CSK: variants seen among roughly 807,000 people sequenced by gnomAD.
The protein encoded by CSK is tyrosine-protein kinase CSK.
In CSK, 7 loss-of-function variants were observed where a neutral mutation model predicts 62.3. The ratio of observed to expected loss-of-function variants is 0.11; its 90% CI spans 0.06 to 0.21. CSK has a LOEUF of 0.21. CSK is among the 10% of genes least tolerant of loss of function. The pLI, the probability that CSK is intolerant of heterozygous loss-of-function variation, is 1.00. For missense variants in CSK, 294 were observed against 613.5 expected (o/e 0.48, Z 5.50); for synonymous variants, 237 against 246.0 (o/e 0.96, Z 0.34).
At chr15:74,796,593 CA>C (rs553348497) in intron 1 of CSK, among the ~76,000 whole-genome samples, 490 of 98,228 alleles carry the variant, frequency 5.0e-3, no homozygotes, top group Middle Eastern at 0.02. Flanking sequence ...GACCCTTTCT[CA>C]AAAAAAAAAA....
Position 74,801,671 on chromosome 15 carries a change from G to A in CSK, c.888-24G>A, listed in dbSNP as rs762549165. The A allele has an allele frequency of 8.7e-6, 14 of 1,609,264 alleles. No homozygotes were observed. The Admixed American group carries it at 1.8e-4, about 21-fold the overall frequency. On this transcript the variant is annotated intron_variant, in intron 10 of 12. Transcript: ENST00000220003. ...TGCTATGGGAGCCCCAGTCTGAGGGGACATGTGGCTGGCCTACCCCCAGAG... is the reference window on the plus strand; with the variant it reads ...TGCTATGGGAGCCCCAGTCTGAGGGAACATGTGGCTGGCCTACCCCCAGAG...
intron 1 of CSK, among the ~76,000 whole-genome samples, chr15:74,793,462 G>A (rs903227488): frequency 6.6e-6 from 1 of 152,192 alleles, no homozygotes; most frequent in Non-Finnish European, 1.5e-5. Flanking sequence ...GGCCTGTCCG[G>A]CAGGGAGGCA....
Position 74,798,499 on chromosome 15 carries a change from G to A in CSK, c.16-116G>A. ...GGACCCAGGGCTCGTTCTCCGGGCAGAGCACCTCACCCAGGCTCACAGAGG... is the reference window on the plus strand; with the variant it reads ...GGACCCAGGGCTCGTTCTCCGGGCAAAGCACCTCACCCAGGCTCACAGAGG... On this transcript the variant is annotated intron_variant, in intron 2 of 12. Transcript: ENST00000220003. This position sits in a 1 kb window ranked among gnomAD's most constrained non-coding sequence, Gnocchi z 6.6. 8.1e-7 allele frequency: 1 copy of A among 1,232,778 alleles called. No individual in the cohort carries two copies. Among genetic ancestry groups the A allele is most frequent in the Non-Finnish European group, 1.2e-6 (1 of 855,982 alleles). 76.4% of individuals were successfully genotyped at this position (1,232,778 alleles called of 1,614,324 possible).
chr15:74,798,970 AG>A lies in CSK; in HGVS notation c.242+36del. On this transcript the variant is annotated intron_variant, in intron 4 of 12. Coordinates refer to ENST00000220003, the MANE Select transcript of CSK (RefSeq NM_004383.3). The surrounding 1 kb of genome is among the most constrained non-coding windows in gnomAD (Gnocchi z 6.6). ...ACCACGAGGAGGGGTTGGGGAGGGA[AG>A]GGGCCTTGGTCCTCCTGAAGGAGCA... 6.8e-7 allele frequency: 1 copy of A among 1,477,634 alleles called. No homozygotes were observed. Among genetic ancestry groups the A allele is most frequent in the Non-Finnish European group, 8.9e-7 (1 of 1,122,792 alleles). 91.5% of individuals were successfully genotyped at this position (1,477,634 alleles called of 1,614,324 possible).
chr15:74,784,809 C>G (rs902208837), intron 1 of CSK, among the ~76,000 whole-genome samples: 1 of 152,204 alleles, frequency 6.6e-6, no homozygotes, highest in Non-Finnish European at 1.5e-5. Context: ...TGGGCTCCAT[C>G]TTTTGAAGGA....
intron 1 of CSK, among the ~76,000 whole-genome samples, chr15:74,783,309 G>T (rs12439944): frequency 0.063 from 9,593 of 152,262 alleles, 612 homozygotes; most frequent in South Asian, 0.34. Context: ...CCGGGGGGAG[G>T]TAACGGAGCA....
At position 74,790,947 on chromosome 15, in the gene CSK, G is replaced by A. The variant is rs184405931; in HGVS notation, c.-65-7286G>A. ...GACCCAAGGAATTCTCCAGAGAGAG[G>A]TGATTTACAAAAAGTTTCTTATTTC... On this transcript the variant is annotated intron_variant, in intron 1 of 12. Coordinates refer to ENST00000220003, the MANE Select transcript of CSK (RefSeq NM_004383.3). 396 of 152,356 alleles carry A rather than the reference G, an allele frequency of 2.6e-3. 3 individuals carry two copies. Among genetic ancestry groups the A allele is most frequent in the African/African-American group, 9.3e-3 (385 of 41,568 alleles). 9.4% of individuals were successfully genotyped at this position (152,356 alleles called of 1,614,324 possible). A position where few individuals can be genotyped will look rare whatever the true frequency, so the allele number is the denominator to read the frequency against.
At chr15:74,799,518 T>C (rs2063756669) in intron 5 of CSK, 27 bp downstream of exon 5, 1 of 1,602,294 alleles carries the variant, frequency 6.2e-7, no homozygotes. Flanking sequence ...AGAGCCTTGC[T>C]CCCACCCTCA....
chr15:74,790,079 A>G (rs948902766), intron 1 of CSK, among the ~76,000 whole-genome samples: 1 of 152,210 alleles, frequency 6.6e-6, no homozygotes, highest in Non-Finnish European at 1.5e-5. Flanking sequence ...ATGAGAAGGC[A>G]AGGTGGACCT....
chr15:74,786,402 T>C (rs1170175583), intron 1 of CSK, among the ~76,000 whole-genome samples: 4 of 152,160 alleles, frequency 2.6e-5, no homozygotes, highest in Non-Finnish European at 5.9e-5. Flanking sequence ...AATAGAGGCC[T>C]GCTTAGCCTG....
At chr15:74,787,861 C>T (rs2063547793) in intron 1 of CSK, among the ~76,000 whole-genome samples, 1 of 152,216 alleles carries the variant, frequency 6.6e-6, no homozygotes, top group Admixed American at 6.5e-5. Flanking sequence ...GGTCCTCATG[C>T]AGACTCGCGC....
chr15:74,799,181 A>G, intron 4 of CSK, 91 bp from the exon 5 acceptor site: 1 of 1,374,858 alleles, frequency 7.3e-7, no homozygotes, highest in Non-Finnish European at 9.9e-7. Flanking sequence ...AGTGCGAGCC[A>G]CGGGTGCCAA....
At chr15:74,787,097 G>A in intron 1 of CSK, among the ~76,000 whole-genome samples, 1 of 152,214 alleles carries the variant, frequency 6.6e-6, no homozygotes, top group East Asian at 1.9e-4. Context: ...GACAGGATGG[G>A]TGGAGGAGCA....
At chr15:74,783,313 C>T (rs1264753823) in intron 1 of CSK, among the ~76,000 whole-genome samples, 2 of 152,194 alleles carry the variant, frequency 1.3e-5, no homozygotes, top group Non-Finnish European at 2.9e-5. Context: ...GGGGAGGTAA[C>T]GGAGCATTAG....
rs1567218372 is a variant in CSK at position 74,798,767 on chromosome 15, G to A, written c.129+39G>A. ...GCCCACCCCACCATCCCACTGCTGG[G>A]CCTTCCCTCTGCAGGGGGAGGTGGG... On this transcript the variant is annotated intron_variant, in intron 3 of 12. Coordinates refer to ENST00000220003, the MANE Select transcript of CSK (RefSeq NM_004383.3). This position sits in a 1 kb window ranked among gnomAD's most constrained non-coding sequence, Gnocchi z 6.6. 1.2e-6 allele frequency: 2 copies of A among 1,608,530 alleles called. No homozygotes were observed. Among genetic ancestry groups the A allele is most frequent in the Non-Finnish European group, 1.7e-6 (2 of 1,176,098 alleles).
At chr15:74,783,421 A>AT (rs33964747) in intron 1 of CSK, among the ~76,000 whole-genome samples, 6,173 of 152,206 alleles carry the variant, frequency 0.041, 421 homozygotes, top group African/African-American at 0.14. Flanking sequence ...CAGCCAGCAG[A>AT]TTTTTTGGAG....
intron 1 of CSK, among the ~76,000 whole-genome samples, chr15:74,787,410 CAG>C (rs959607203): frequency 6.6e-6 from 1 of 151,948 alleles, no homozygotes. Flanking sequence ...CGGCACCACT[CAG>C]GGCAGACTGG....
intron 1 of CSK, among the ~76,000 whole-genome samples, chr15:74,795,617 T>C (rs2063692521): frequency 6.6e-6 from 1 of 152,188 alleles, no homozygotes; most frequent in African/African-American, 2.4e-5. Context: ...TTACAAAGTA[T>C]GTGTGTGCAG....
At chr15:74,787,915 A>C (rs1220275196) in intron 1 of CSK, among the ~76,000 whole-genome samples, 1 of 152,212 alleles carries the variant, frequency 6.6e-6, no homozygotes, top group East Asian at 1.9e-4. Context: ...GCAGGGAGAC[A>C]GGAGGGAAGG....
Sources: gnomAD v4.1 joint callset for allele counts (sites outside exome capture counted in the v4.1 genomes callset) on GRCh38, gnomAD v4.1.1 for gene constraint, Gnocchi (gnomAD v3.1) non-coding constraint, MANE v1.5 for transcripts, NCBI Gene and HGNC (gene_info 2026-07-23, HGNC 2026-07-21) for gene names.